The following RNPC3 variants were observed in gnomAD, a reference collection of about 807,000 sequenced individuals.
The protein encoded by RNPC3 is RNA-binding region-containing protein 3.
In RNPC3, 48 loss-of-function variants were observed where a neutral mutation model predicts 67.5. The ratio of observed to expected loss-of-function variants is 0.71; its 90% CI spans 0.56 to 0.90. RNPC3 has a LOEUF of 0.90. Ranked by LOEUF, RNPC3 falls within the 40% of genes least tolerant of loss-of-function variation. RNPC3 has a pLI of 0.00. For missense variants in RNPC3, 637 were observed against 626.1 expected (o/e 1.02, Z -0.19); for synonymous variants, 239 against 210.3 (o/e 1.14, Z -1.18).
chr1:103,532,168 A>C (rs1056225825), intron 2 of RNPC3, among the ~76,000 whole-genome samples: 2 of 152,084 alleles, frequency 1.3e-5, no homozygotes, highest in Non-Finnish European at 2.9e-5. Context: ...TGTGTTCTCT[A>C]TTCTGTTCCA....
At position 103,526,205 on chromosome 1, in the gene RNPC3, C is replaced by T; in HGVS notation, c.135C>T (p.Asp45=). ...AGCTTACTGCTGAGGAGAAAGAGGA[C>T]TTGCTGAAGTACTTCGGGGCTCAGT... ...PAELTAEEKE[D]LLKYFGAQSV... The change falls in exon 1 of 15, where the codon GAC becomes GAT. Residue 45 remains aspartate, a synonymous_variant. Coordinates refer to ENST00000423855, the MANE Select transcript of RNPC3 (RefSeq NM_017619.4). 6.4e-7 allele frequency: 1 copy of T among 1,551,450 alleles called. No homozygotes were observed. Among genetic ancestry groups the T allele is most frequent in the Non-Finnish European group, 8.7e-7 (1 of 1,146,866 alleles).
Position 103,525,991 on chromosome 1 carries a change from A to G in RNPC3, c.-80A>G. ...ATCCTTAGCGCGAGGCGGAAAAAAT[A>G]TTTCTCCCAGCTTGTGTTGATGCCG... On this transcript the variant is annotated 5_prime_UTR_variant, in exon 1 of 15. It adds an upstream start codon to the 5' untranslated region. Coordinates refer to ENST00000423855, the MANE Select transcript of RNPC3 (RefSeq NM_017619.4). 2.6e-6 allele frequency: 3 copies of G among 1,149,476 alleles called. No individual in the cohort carries two copies. The highest frequency in any genetic ancestry group is 3.6e-6 in the Non-Finnish European group (3 of 833,470). 71.2% of individuals were successfully genotyped at this position (1,149,476 alleles called of 1,614,324 possible). A position where few individuals can be genotyped will look rare whatever the true frequency, so the allele number is the denominator to read the frequency against.
At chr1:103,534,164 T>C (rs1317789190) in intron 3 of RNPC3, among the ~76,000 whole-genome samples, 2 of 152,024 alleles carry the variant, frequency 1.3e-5, no homozygotes, top group African/African-American at 4.8e-5. Flanking sequence ...ATCAGAGATA[T>C]AACAGTGTCA....
At chr1:103,544,850 A>G (rs1014523737) in intron 9 of RNPC3, 91 bp from the exon 10 acceptor site, 5 of 694,766 alleles carry the variant, frequency 7.2e-6, no homozygotes, top group African/African-American at 5.6e-5. Flanking sequence ...GCCAGAAGAT[A>G]TATTATTGAA....
Position 103,551,741 on chromosome 1 carries a change from A to G in RNPC3, c.1515A>G (p.Arg505=). The change falls in exon 14 of 15, where the codon AGA becomes AGG. Residue 505 remains arginine, a synonymous_variant. Coordinates refer to ENST00000423855, the MANE Select transcript of RNPC3 (RefSeq NM_017619.4). ...PMVVQFARSA[R]PKQDPKEGKR... ...ATTAGCAGTTTGCTCGATCTGCTAG[A>G]CCAAAACAAGATCCTAAGGAAGGAA... The G allele has an allele frequency of 6.5e-7, 1 of 1,534,806 alleles. No homozygotes were observed. The highest frequency in any genetic ancestry group is 8.8e-7 in the Non-Finnish European group (1 of 1,137,158).
chr1:103,545,092 T>A lies in RNPC3; in HGVS notation c.1197T>A (p.Ile399=). 2 of 1,531,568 alleles carry A rather than the reference T, an allele frequency of 1.3e-6. No homozygotes were observed. Among genetic ancestry groups the A allele is most frequent in the Non-Finnish European group, 1.7e-6 (2 of 1,144,100 alleles). The allele number at this position is 1,531,568 out of a possible 1,614,324, so 94.9% of individuals were successfully genotyped here. A position where few individuals can be genotyped will look rare whatever the true frequency, so the allele number is the denominator to read the frequency against. ...ISRRELEKGR[I]SREEMETLSV... ...GAAGGGAATTGGAAAAGGGCAGAAT[T>A]TCTAGAGAAGGTAATGTCACGAAAT... Residue 399 remains isoleucine (I), a synonymous_variant, in exon 10 of 15, where the codon ATT becomes ATA. Transcript: ENST00000423855.
chr1:103,544,803 T>C, intron 9 of RNPC3, 138 bp from the exon 10 acceptor site: 1 of 492,358 alleles, frequency 2.0e-6, no homozygotes. Flanking sequence ...TGTGTATGCC[T>C]CTTTTAGTAT....
At position 103,551,915 on chromosome 1, in the gene RNPC3, C is replaced by G. The variant is rs12402008; in HGVS notation, c.*12+123C>G. The stretch of plus-strand genomic sequence containing the variant: ...TTTTTTTTTTTGAGGAAATACCTAT[C>G]TGTGCAGTTAAGTCCCATTAAACGT... On this transcript the variant is annotated intron_variant, in intron 14 of 14. Coordinates refer to ENST00000423855, the MANE Select transcript of RNPC3 (RefSeq NM_017619.4). 3.8e-3 allele frequency: 2,148 copies of G among 562,296 alleles called. 50 individuals carry two copies. In the Admixed American group the frequency reaches 0.042, roughly 11 times the overall value. 34.8% of individuals were successfully genotyped at this position (562,296 alleles called of 1,614,324 possible).
chr1:103,535,491 C>T (rs1650958776), intron 5 of RNPC3, 50 bp downstream of exon 5: 1 of 1,112,230 alleles, frequency 9.0e-7, no homozygotes, highest in Non-Finnish European at 1.3e-6. Context: ...TAGCTTGATA[C>T]TTTATTTTTC....
intron 7 of RNPC3, among the ~76,000 whole-genome samples, chr1:103,540,617 T>C (rs866485323): frequency 1.3e-5 from 2 of 152,212 alleles, no homozygotes; most frequent in Non-Finnish European, 2.9e-5. Flanking sequence ...TTAAAGCTTA[T>C]TTGAACAATG....
Position 103,546,549 on chromosome 1 carries a change from G to A in RNPC3, c.1302+207G>A, listed in dbSNP as rs946337839. On this transcript the variant is annotated intron_variant, in intron 11 of 14. Transcript: ENST00000423855. The stretch of plus-strand genomic sequence containing the variant: ...CTTGGGTTCTCTGGCAGTAAATACT[G>A]AGACAGAGTTTGTGGTATGTATTAA... The A allele has an allele frequency of 1.6e-5, 6 of 365,934 alleles. No homozygotes were observed. The South Asian group carries it at 3.5e-4, about 21-fold the overall frequency. The allele number at this position is 365,934 out of a possible 1,614,324, so 22.7% of individuals were successfully genotyped here.
chr1:103,537,987 G>A (rs1322430063), intron 7 of RNPC3, among the ~76,000 whole-genome samples: 1 of 152,028 alleles, frequency 6.6e-6, no homozygotes, highest in African/African-American at 2.4e-5. Flanking sequence ...GGGATTACAG[G>A]CATGTGCCAC....
chr1:103,534,130 A>G (rs1650929277), intron 3 of RNPC3, among the ~76,000 whole-genome samples: 1 of 152,042 alleles, frequency 6.6e-6, no homozygotes, highest in Non-Finnish European at 1.5e-5. Flanking sequence ...AATGGAGGGA[A>G]AATAACTAGT....
At chr1:103,536,708 A>G (rs992259260) in intron 6 of RNPC3, among the ~76,000 whole-genome samples, 5 of 152,182 alleles carry the variant, frequency 3.3e-5, no homozygotes, top group Non-Finnish European at 5.9e-5. Context: ...TTCATATATG[A>G]ATAGAAGAGA....
At chr1:103,536,534 AG>A (rs1484306171) in intron 6 of RNPC3, among the ~76,000 whole-genome samples, 2 of 152,122 alleles carry the variant, frequency 1.3e-5, no homozygotes, top group Non-Finnish European at 2.9e-5. Context: ...TTTTTGCAAA[AG>A]ACGAAAAAGG....
At chr1:103,551,162 C>A in intron 13 of RNPC3, 89 bp downstream of exon 13, 1 of 1,122,024 alleles carries the variant, frequency 8.9e-7, no homozygotes, top group Non-Finnish European at 1.2e-6. Context: ...TTAGAAATTT[C>A]CACAATTGGC....
At chr1:103,549,933 CG>C (rs371551935) in intron 12 of RNPC3, among the ~76,000 whole-genome samples, 3,605 of 151,838 alleles carry the variant, frequency 0.024, 150 homozygotes, top group African/African-American at 0.083. Flanking sequence ...GAGGCCGAAG[CG>C]GGGGGGATCA....
chr1:103,526,249 A>T lies in RNPC3; in HGVS notation c.179A>T (p.Asp60Val). 1 of 1,544,706 alleles carries T rather than the reference A, an allele frequency of 6.5e-7. No homozygotes were observed. The change falls in exon 1 of 15, where the codon GAT becomes GTT. Residue 60 changes from aspartate to valine, a missense_variant. Physicochemically the swap from Asp to Val is radical, Grantham distance 152. This residue lies in a region of RNPC3 where 536 missense variants were observed against 500.3 expected (regional missense o/e 1.07). Coordinates refer to ENST00000423855, the MANE Select transcript of RNPC3 (RefSeq NM_017619.4). ...FGAQSVRVLS[D>V]KGRLKHTAFA... Reference sequence around the variant, plus strand: ...GCTCAGTCTGTGCGGGTCCTGTCAGATAAGGGGCGACTGGTAAGGGCGCGC... The same window carrying T: ...GCTCAGTCTGTGCGGGTCCTGTCAGTTAAGGGGCGACTGGTAAGGGCGCGC...
chr1:103,535,035 A>G (rs187316812), intron 4 of RNPC3, among the ~76,000 whole-genome samples, 178 bp downstream of exon 4: 2 of 152,142 alleles, frequency 1.3e-5, no homozygotes, highest in East Asian at 3.9e-4. Flanking sequence ...AAACAAAGAT[A>G]TTTAATGTCA....
Sources: gnomAD v4.1 joint callset for allele counts (sites outside exome capture counted in the v4.1 genomes callset) on GRCh38, gnomAD v4.1.1 for gene constraint, gnomAD v4.1.1 regional missense constraint, MANE v1.5 for transcripts, NCBI Gene and HGNC (gene_info 2026-07-23, HGNC 2026-07-21) for gene names.